CCDC14: variants seen among roughly 807,000 people sequenced by gnomAD.
The protein encoded by CCDC14 is coiled-coil domain-containing protein 14.
In CCDC14, 71 loss-of-function variants were observed where a neutral mutation model predicts 81.4. That is an observed-to-expected ratio of 0.87 (90% CI 0.72 to 1.06). The LOEUF (loss-of-function observed/expected upper bound fraction) is 1.06, where lower values mean the gene tolerates loss of function less well. Ranked by LOEUF, CCDC14 falls within the 50% of genes least tolerant of loss-of-function variation. The probability of loss-of-function intolerance (pLI) is 0.00; values close to 1 mark genes in which losing one functional copy is unlikely to be tolerated. For missense variants in CCDC14, 1,046 were observed against 1,047.3 expected (o/e 1.00, Z 0.02); for synonymous variants, 332 against 364.8 (o/e 0.91, Z 1.03).
At position 123,931,104 on chromosome 3, in the gene CCDC14, G is replaced by A. The variant is rs745418451; in HGVS notation, c.1776C>T (p.Thr592=). 4 of 1,575,416 alleles carry A rather than the reference G, an allele frequency of 2.5e-6. No individual in the cohort carries two copies. Among genetic ancestry groups the A allele is most frequent in the African/African-American group, 2.8e-5 (2 of 72,556 alleles). Residue 592 remains threonine (T), a splice_region_variant and synonymous_variant, in exon 12 of 13, where the codon ACC becomes ACT. Coordinates refer to ENST00000409697, the MANE Select transcript of CCDC14 (RefSeq NM_001366335.1). ...TATTCAAAGGAAGTCAATTTTACCT[G>A]GTTAATTCTCTTAGTCGAGTCACCT... ...DAEVTRLREL[T]RTLQTSMAKL...
chr3:123,885,268 TA>T, the CCDC14 span, among the ~76,000 whole-genome samples: 1 of 152,128 alleles, frequency 6.6e-6, no homozygotes, highest in African/African-American at 2.4e-5. Flanking sequence ...TGAATTATTA[TA>T]AAGGGAACAT....
chr3:123,904,945 T>G (rs962910499), intron 5 of CCDC14, among the ~76,000 whole-genome samples: 2 of 152,098 alleles, frequency 1.3e-5, no homozygotes, highest in African/African-American at 4.8e-5. Flanking sequence ...TTACCTGATA[T>G]GAAGACATTA....
At chr3:123,921,132 A>G (rs2035019629) in intron 12 of CCDC14, among the ~76,000 whole-genome samples, 1 of 152,204 alleles carries the variant, frequency 6.6e-6, no homozygotes, top group African/African-American at 2.4e-5. Context: ...AGAGGGAGAA[A>G]AAAAGGATCT....
At chr3:123,903,024 T>A (rs1390627924) in intron 5 of CCDC14, among the ~76,000 whole-genome samples, 2 of 152,138 alleles carry the variant, frequency 1.3e-5, no homozygotes, top group Non-Finnish European at 1.5e-5. Context: ...TGTGTCTATG[T>A]CTTCTCATCA....
At chr3:123,906,950 C>G (rs973093937) in intron 5 of CCDC14, among the ~76,000 whole-genome samples, 3 of 152,200 alleles carry the variant, frequency 2.0e-5, no homozygotes, top group African/African-American at 7.2e-5. Context: ...TCATCTCCTC[C>G]TGTTATCAGA....
chr3:123,935,201 A>G (rs1044996095), intron 9 of CCDC14, among the ~76,000 whole-genome samples: 2 of 152,176 alleles, frequency 1.3e-5, no homozygotes, highest in East Asian at 3.8e-4. Flanking sequence ...CACTAACATG[A>G]AGAATTGCAA....
intron 9 of CCDC14, among the ~76,000 whole-genome samples, chr3:123,943,410 A>T (rs910264350): frequency 1.1e-4 from 17 of 151,950 alleles, no homozygotes; most frequent in African/African-American, 3.9e-4. Flanking sequence ...CCATCCTTTC[A>T]CCTGCTCCTT....
rs1375937290 is a variant in CCDC14 at position 123,914,683 on chromosome 3, A to G, written c.*96T>C. ...TGTACAATATATTACTTCACACATAATAACATAAAACATCATTTCACTAAA... is the reference window on the plus strand; with the variant it reads ...TGTACAATATATTACTTCACACATAGTAACATAAAACATCATTTCACTAAA... On this transcript the variant is annotated 3_prime_UTR_variant, in exon 13 of 13. Transcript: ENST00000409697. 1 of 1,440,926 alleles carries G rather than the reference A, an allele frequency of 6.9e-7. No homozygotes were observed. The highest frequency in any genetic ancestry group is 9.1e-7 in the Non-Finnish European group (1 of 1,097,482). The allele number at this position is 1,440,926 out of a possible 1,614,324, so 89.3% of individuals were successfully genotyped here.
downstream of CCDC14, among the ~76,000 whole-genome samples, chr3:123,892,465 A>G (rs2034003627): frequency 6.6e-6 from 1 of 152,196 alleles, no homozygotes; most frequent in Non-Finnish European, 1.5e-5. Flanking sequence ...GCTACAGTGA[A>G]GGTCTCTGAA....
At chr3:123,891,919 C>T in the CCDC14 span, among the ~76,000 whole-genome samples, 1 of 152,192 alleles carries the variant, frequency 6.6e-6, no homozygotes, top group Non-Finnish European at 1.5e-5. Context: ...AATGGACTTA[C>T]AGTTACTCAT....
the CCDC14 span, among the ~76,000 whole-genome samples, chr3:123,889,360 C>T: frequency 6.6e-6 from 1 of 152,060 alleles, no homozygotes; most frequent in Non-Finnish European, 1.5e-5. Flanking sequence ...TGCAGTGAGC[C>T]AAGATCGTGA....
At chr3:123,958,835 C>T (rs1300429121) in intron 1 of CCDC14, 1 of 152,096 alleles carries the variant, frequency 6.6e-6, no homozygotes, top group African/African-American at 2.4e-5. Flanking sequence ...TCCATGCTCA[C>T]ATTCTGTTTC....
chr3:123,899,147 C>G lies in CCDC14; in HGVS notation c.668-1534G>C, dbSNP rs1179358892. On this transcript the variant is annotated intron_variant, in intron 5 of 5. Transcript: ENST00000479903. ...GGAAAGAGCTTATTTATTAGCTTTT[C>G]TGACTTTAAGATGTTTATTGTTTAA... Among the ~76,000 whole-genome samples the G allele has an allele frequency of 3.3e-5, 5 of 152,282 alleles. No individual in the cohort carries two copies. The East Asian group carries it at 9.6e-4, about 29-fold the overall frequency.
intron 5 of CCDC14, chr3:123,954,632 T>G (rs1420306074): frequency 6.6e-6 from 1 of 152,148 alleles, no homozygotes; most frequent in Non-Finnish European, 1.5e-5. Context: ...CTTCTAAATC[T>G]AGCATATATT....
At chr3:123,889,563 G>C in the CCDC14 span, among the ~76,000 whole-genome samples, 1 of 152,228 alleles carries the variant, frequency 6.6e-6, no homozygotes, top group Non-Finnish European at 1.5e-5. Context: ...ATGCAAGGAT[G>C]CTCTTCCAAG....
At chr3:123,936,797 G>A (rs73184282) in intron 9 of CCDC14, among the ~76,000 whole-genome samples, 10,999 of 151,958 alleles carry the variant, frequency 0.072, 471 homozygotes, top group Middle Eastern at 0.16. Flanking sequence ...CCTGTGACAC[G>A]TGTTTACCTA....
chr3:123,902,272 A>G (rs1186592266), intron 5 of CCDC14, among the ~76,000 whole-genome samples: 2 of 152,244 alleles, frequency 1.3e-5, no homozygotes, highest in South Asian at 2.1e-4. Context: ...GTTTTTCTCT[A>G]TAGACAGTAC....
intron 9 of CCDC14, among the ~76,000 whole-genome samples, chr3:123,941,982 T>A (rs915262401): frequency 1.3e-5 from 2 of 152,074 alleles, no homozygotes; most frequent in Non-Finnish European, 2.9e-5. Flanking sequence ...TTGATTGTCA[T>A]TCCTTTAAAT....
At chr3:123,900,618 A>G (rs577299402) in intron 5 of CCDC14, among the ~76,000 whole-genome samples, 1 of 152,232 alleles carries the variant, frequency 6.6e-6, no homozygotes, top group Non-Finnish European at 1.5e-5. Context: ...TGTTGCTAAT[A>G]AAAATCTATT....
Sources: allele counts gnomAD v4.1 joint callset (sites outside exome capture counted in the v4.1 genomes callset), GRCh38; gene constraint gnomAD v4.1.1; transcripts MANE v1.5; gene names NCBI Gene and HGNC (gene_info 2026-07-23, HGNC 2026-07-21).